Variants in GRIN2A observed in about 807,000 individuals in gnomAD.
GRIN2A encodes the protein glutamate receptor ionotropic, NMDA 2A.
Under a neutral mutation model 113.4 loss-of-function variants are expected in GRIN2A, and 22 were observed. That is an observed-to-expected ratio of 0.19 (90% CI 0.14 to 0.28). The LOEUF (loss-of-function observed/expected upper bound fraction) is 0.28. Among genes scored for constraint, GRIN2A ranks in the 10% least tolerant of loss-of-function variants. The pLI is 1.00. For missense variants in GRIN2A, 1,502 were observed against 1,887.0 expected (o/e 0.80, Z 3.78); for synonymous variants, 827 against 738.4 (o/e 1.12, Z -1.94).
At chr16:9,918,099 C>T (rs1321597383) in intron 3 of GRIN2A, among the ~76,000 whole-genome samples, 1 of 152,224 alleles carries the variant, frequency 6.6e-6, no homozygotes, top group Non-Finnish European at 1.5e-5. Context: ...TTCTCACAAA[C>T]TCCCCCACTG....
intron 3 of GRIN2A, among the ~76,000 whole-genome samples, chr16:9,932,019 G>A (rs1196451217): frequency 6.6e-6 from 1 of 152,186 alleles, no homozygotes; most frequent in African/African-American, 2.4e-5. Context: ...CTACCAAAAA[G>A]CAGCTTGGAA....
Position 10,111,546 on chromosome 16 carries a change from G to C in GRIN2A, c.414+68452C>G, listed in dbSNP as rs576823486. ...ATGAGGTAGACCTAACTTCAGCCCT[G>C]ACCCGGAAGATCATGCTGAAGACAC... On this transcript the variant is annotated intron_variant, in intron 2 of 12. Transcript: ENST00000330684. 2.4e-5 allele frequency: 19 copies of C among 785,454 alleles called. No individual in the cohort carries two copies. In the South Asian group the frequency reaches 2.4e-4, roughly 10 times the overall value. 48.7% of individuals were successfully genotyped at this position (785,454 alleles called of 1,614,324 possible).
intron 4 of GRIN2A, among the ~76,000 whole-genome samples, chr16:9,888,864 C>A (rs2043638635): frequency 6.6e-6 from 1 of 151,946 alleles, no homozygotes; most frequent in Admixed American, 6.6e-5. Flanking sequence ...TTGAAATGAC[C>A]ATATTTCCCC....
chr16:9,895,873 G>A (rs896586947), intron 3 of GRIN2A, among the ~76,000 whole-genome samples: 14 of 152,090 alleles, frequency 9.2e-5, no homozygotes, highest in Admixed American at 4.6e-4. Context: ...TCTACCTAGC[G>A]CCCCAAATGT....
Position 9,874,627 on chromosome 16 carries a change from A to G in GRIN2A, c.1122+16359T>C, listed in dbSNP as rs549834700. ...CTCTACCATAAGGTACTGTAGAAAC[A>G]AAATGGACTTTGCAGTCTAGCAGAC... is the stretch of plus-strand genomic sequence containing the variant. On this transcript the variant is annotated intron_variant, in intron 4 of 12. Coordinates refer to ENST00000330684, the MANE Select transcript of GRIN2A (RefSeq NM_001134407.3). Among the ~76,000 whole-genome samples, 17 of 152,366 alleles carry G rather than the reference A, an allele frequency of 1.1e-4. 1 individual carries two copies. The East Asian group carries it at 3.3e-3, about 29-fold the overall frequency.
rs1414150626 is a variant in GRIN2A, at chr16:9,771,790, T to C, written c.2357-2701A>G. 2.0e-5 allele frequency among the ~76,000 whole-genome samples: 3 copies of C among 152,226 alleles called. No individual in the cohort carries two copies. In the East Asian group the frequency reaches 5.8e-4, roughly 29 times the overall value. ...CATGGTTCCAGGAATTTTCAATGTATGAGTTTTTGTATGGAAAAATTTTTA... is the reference window on the plus strand; with the variant it reads ...CATGGTTCCAGGAATTTTCAATGTACGAGTTTTTGTATGGAAAAATTTTTA... On this transcript the variant is annotated intron_variant, in intron 11 of 12. Coordinates refer to ENST00000330684, the MANE Select transcript of GRIN2A (RefSeq NM_001134407.3).
At chr16:10,068,164 T>C (rs115735665) in intron 2 of GRIN2A, among the ~76,000 whole-genome samples, 230 of 152,354 alleles carry the variant, frequency 1.5e-3, no homozygotes, top group African/African-American at 5.3e-3. Flanking sequence ...ATTCACTCAG[T>C]TCTTTAACCA....
chr16:9,844,285 C>A (rs568530425), intron 5 of GRIN2A, among the ~76,000 whole-genome samples: 3 of 152,272 alleles, frequency 2.0e-5, no homozygotes, highest in Non-Finnish European at 4.4e-5. Context: ...TGATCAATGA[C>A]GCATTTTCAC....
intron 2 of GRIN2A, among the ~76,000 whole-genome samples, chr16:10,139,886 G>A (rs60832975): frequency 0.086 from 13,087 of 152,042 alleles, 1,158 homozygotes; most frequent in African/African-American, 0.22. Context: ...GGAGCACAGT[G>A]GCGCAATCTT....
chr16:9,920,220 CAAAT>C (rs1418223198), intron 3 of GRIN2A, among the ~76,000 whole-genome samples: 3 of 152,250 alleles, frequency 2.0e-5, no homozygotes, highest in East Asian at 1.9e-4. Flanking sequence ...CATGAAAAGA[CAAAT>C]GAATGAAAAC....
rs192815227 is a variant in GRIN2A at position 10,074,315 on chromosome 16, G to A, written c.414+105683C>T. ...GTACAGCTGCTATGGAAAACAGTACGACAGTTCTTCAAAAAGCTACACATA... is the reference window on the plus strand; with the variant it reads ...GTACAGCTGCTATGGAAAACAGTACAACAGTTCTTCAAAAAGCTACACATA... On this transcript the variant is annotated intron_variant, in intron 2 of 12. Transcript: ENST00000330684. Among the ~76,000 whole-genome samples the A allele has an allele frequency of 2.1e-3, 313 of 152,282 alleles. 1 individual carries two copies. The highest frequency in any genetic ancestry group is 4.4e-3 in the South Asian group (21 of 4,822).
intron 2 of GRIN2A, among the ~76,000 whole-genome samples, chr16:10,031,760 G>A (rs7205702): frequency 0.55 from 84,159 of 152,128 alleles, 24,178 homozygotes; most frequent in East Asian, 0.91. Context: ...TGCTCTTATA[G>A]CAAAGATGCA....
chr16:10,168,534 T>C (rs1596573573), intron 2 of GRIN2A, among the ~76,000 whole-genome samples: 1 of 152,190 alleles, frequency 6.6e-6, no homozygotes, highest in Non-Finnish European at 1.5e-5. Context: ...TCCACCTCAT[T>C]CCTGAGGGAC....
chr16:10,120,978 A>G (rs2048822314), intron 2 of GRIN2A, among the ~76,000 whole-genome samples: 1 of 152,120 alleles, frequency 6.6e-6, no homozygotes, highest in Non-Finnish European at 1.5e-5. Flanking sequence ...TGCTAACTGA[A>G]AAATCCTATT....
chr16:9,813,934 T>C (rs2042138907), intron 10 of GRIN2A, among the ~76,000 whole-genome samples: 1 of 152,136 alleles, frequency 6.6e-6, no homozygotes, highest in South Asian at 2.1e-4. Context: ...AAATGAACCA[T>C]TTGTGTCTGA....
At chr16:10,174,847 A>T (rs1293160497) in intron 2 of GRIN2A, among the ~76,000 whole-genome samples, 2 of 152,196 alleles carry the variant, frequency 1.3e-5, no homozygotes, top group East Asian at 1.9e-4. Context: ...CTGGAAAAAA[A>T]AAAAAACAAG....
intron 2 of GRIN2A, among the ~76,000 whole-genome samples, chr16:10,098,131 CA>C (rs1567296725): frequency 1.3e-5 from 2 of 151,632 alleles, no homozygotes; most frequent in African/African-American, 4.8e-5. Flanking sequence ...CAAGCCCAAA[CA>C]AAAGTGGGCT....
intron 8 of GRIN2A, among the ~76,000 whole-genome samples, chr16:9,831,669 C>G (rs2042498763): frequency 6.6e-6 from 1 of 152,154 alleles, no homozygotes; most frequent in Admixed American, 6.5e-5. Context: ...GAGCATACCA[C>G]CACGCCCAGC....
chr16:9,802,155 T>C lies in GRIN2A; in HGVS notation c.2169-3691A>G, dbSNP rs1429850730. ...TTAGTGCAACCATTGTGGAAAGCAG[T>C]GTGGCGATTCCTCAAAGACCTATAC... On this transcript the variant is annotated intron_variant, in intron 10 of 12. Coordinates refer to ENST00000330684, the MANE Select transcript of GRIN2A (RefSeq NM_001134407.3). Among the ~76,000 whole-genome samples, 3 of 150,696 alleles carry C rather than the reference T, an allele frequency of 2.0e-5. No homozygotes were observed. The East Asian group carries it at 5.9e-4, about 30-fold the overall frequency.
Sources: allele counts gnomAD v4.1 joint callset (sites outside exome capture counted in the v4.1 genomes callset), GRCh38; gene constraint gnomAD v4.1.1; transcripts MANE v1.5; gene names NCBI Gene and HGNC (gene_info 2026-07-23, HGNC 2026-07-21).